Variants in AAGAB observed in about 807,000 individuals in gnomAD.
AAGAB encodes the protein alpha and gamma adaptin binding protein.
Under a neutral mutation model 44.1 loss-of-function variants are expected in AAGAB, and 38 were observed. The ratio of observed to expected loss-of-function variants is 0.86; its 90% CI spans 0.67 to 1.13. The LOEUF (loss-of-function observed/expected upper bound fraction) is 1.13, where lower values mean the gene tolerates loss of function less well. Ranked by LOEUF, AAGAB falls within the 50% of genes most tolerant of loss-of-function variation. The pLI, the probability that AAGAB is intolerant of heterozygous loss-of-function variation, is 0.00. For synonymous variants in AAGAB, 131 were observed against 131.8 expected (o/e 0.99, Z 0.04); for missense variants, 450 against 373.8 (o/e 1.20, Z -1.68).
chr15:67,241,460 T>C (rs924769188), intron 1 of AAGAB, among the ~76,000 whole-genome samples: 1 of 152,218 alleles, frequency 6.6e-6, no homozygotes, highest in African/African-American at 2.4e-5. Flanking sequence ...ACCCCAGATA[T>C]GAGTGTCTTT....
At chr15:67,218,661 TG>T (rs1468869567) in intron 5 of AAGAB, among the ~76,000 whole-genome samples, 1 of 152,006 alleles carries the variant, frequency 6.6e-6, no homozygotes, top group East Asian at 1.9e-4. Context: ...AAAGAGGAGG[TG>T]TGGCAGGAGC....
intron 5 of AAGAB, 31 bp downstream of exon 5, chr15:67,231,782 GA>G: frequency 9.2e-6 from 14 of 1,525,902 alleles, no homozygotes; most frequent in African/African-American, 1.4e-5. Context: ...GGAACAAGAG[GA>G]AAAAAATGAC....
rs1308419691 is a variant in AAGAB at position 67,209,532 on chromosome 15, C to A, written c.548G>T (p.Gly183Val). The change falls in exon 6 of 10, where the codon GGC becomes GTC. Residue 183 changes from glycine to valine, a missense_variant. By Grantham distance (109) the Gly-to-Val change is moderately radical. Coordinates refer to ENST00000261880, the MANE Select transcript of AAGAB (RefSeq NM_024666.5). ...AGTCAATGAGTTGAGAAGGCTAAAGCCTTGGTTCCTATCTGAAAAGGAAAA... is the reference window on the plus strand; with the variant it reads ...AGTCAATGAGTTGAGAAGGCTAAAGACTTGGTTCCTATCTGAAAAGGAAAA... ...NVVMKNDRNQ[G>V]FSLLNSLTGT... The A allele has an allele frequency of 2.5e-6, 4 of 1,613,768 alleles. No individual in the cohort carries two copies. Among genetic ancestry groups the A allele is most frequent in the Non-Finnish European group, 3.4e-6 (4 of 1,179,832 alleles).
intron 5 of AAGAB, chr15:67,220,901 T>C (rs893922108): frequency 6.6e-6 from 1 of 152,208 alleles, no homozygotes; most frequent in East Asian, 1.9e-4. Flanking sequence ...AAGTACTCCA[T>C]AGATTACTGC....
chr15:67,208,485 C>T lies in AAGAB; in HGVS notation c.715+77G>A, dbSNP rs1417331172. 9.2e-6 allele frequency: 12 copies of T among 1,303,538 alleles called. No homozygotes were observed. In the Admixed American group the frequency reaches 1.3e-4, roughly 14 times the overall value. 80.7% of individuals were successfully genotyped at this position (1,303,538 alleles called of 1,614,324 possible). On this transcript the variant is annotated intron_variant, in intron 7 of 9. Coordinates refer to ENST00000261880, the MANE Select transcript of AAGAB (RefSeq NM_024666.5). ...CTTCTCTGTGTTTAAAGTCAATTTCCCCCTCAACAATTTCTGCCCAGATAC... is the reference window on the plus strand; with the variant it reads ...CTTCTCTGTGTTTAAAGTCAATTTCTCCCTCAACAATTTCTGCCCAGATAC...
chr15:67,235,172 G>A (rs899160008), intron 4 of AAGAB, among the ~76,000 whole-genome samples: 3 of 152,118 alleles, frequency 2.0e-5, no homozygotes, highest in African/African-American at 7.2e-5. Context: ...TCTTCCCCAT[G>A]GAGCAGCTGA....
At chr15:67,232,579 C>T (rs1964366376) in intron 4 of AAGAB, 2 of 415,670 alleles carry the variant, frequency 4.8e-6, no homozygotes, top group South Asian at 2.0e-5. Context: ...GAAAAAGTAG[C>T]CAAAATGTAC....
chr15:67,217,570 G>C (rs533724350), intron 5 of AAGAB, among the ~76,000 whole-genome samples: 11 of 152,086 alleles, frequency 7.2e-5, no homozygotes, highest in Middle Eastern at 3.4e-3. Context: ...ATGGAGTCTC[G>C]CTCTATCACC....
upstream of AAGAB, chr15:67,254,797 G>C (rs1357336159): frequency 2.9e-6 from 4 of 1,387,648 alleles, no homozygotes; most frequent in African/African-American, 1.4e-5. Context: ...GAACAGGCCA[G>C]GTCGCGCGCG....
At chr15:67,224,637 G>A (rs181476312) in intron 5 of AAGAB, among the ~76,000 whole-genome samples, 13 of 147,364 alleles carry the variant, frequency 8.8e-5, no homozygotes, top group African/African-American at 2.8e-4. Context: ...CTGGAGTGCA[G>A]TGGCGCGATC....
rs1964455557 is a variant in AAGAB, at chr15:67,236,063, T to C, written c.367A>G (p.Asn123Asp). ...CACCATTCTTGAGCTTTTTGTCGGT[T>C]TATACCTAAAATAATATGCAAAAGA... ...VCDRVSEDGI[N>D]RQKAQEWCIK... is the part of the protein sequence containing the mutation. The change falls in exon 4 of 10, where the codon AAC (asparagine) becomes GAC (aspartate). Residue 123 changes from asparagine to aspartate, a missense_variant. Transcript: ENST00000261880. The C allele has an allele frequency of 6.2e-7, 1 of 1,607,312 alleles. No individual in the cohort carries two copies. The highest frequency in any genetic ancestry group is 1.3e-5 in the African/African-American group (1 of 74,784).
chr15:67,208,725 G>A, intron 6 of AAGAB, 67 bp from the exon 7 acceptor site: 1 of 1,428,700 alleles, frequency 7.0e-7, no homozygotes, highest in Non-Finnish European at 9.8e-7. Flanking sequence ...ATCCAAAAAA[G>A]CTCACACTTT....
At position 67,213,768 on chromosome 15, in the gene AAGAB, G is replaced by A. The variant is rs181695672; in HGVS notation, c.536-4224C>T. On this transcript the variant is annotated intron_variant, in intron 5 of 9. Coordinates refer to ENST00000261880, the MANE Select transcript of AAGAB (RefSeq NM_024666.5). ...TTTACCTTGCAAAATTTTCCTAAGGGTTAGTAATAGATAACATTTACTAAG... is the reference window on the plus strand; with the variant it reads ...TTTACCTTGCAAAATTTTCCTAAGGATTAGTAATAGATAACATTTACTAAG... Among the ~76,000 whole-genome samples the A allele has an allele frequency of 1.2e-3, 188 of 152,224 alleles. 1 individual carries two copies. The highest frequency in any genetic ancestry group is 4.4e-3 in the African/African-American group (184 of 41,530).
At chr15:67,239,826 A>C (rs1181436175) in intron 1 of AAGAB, among the ~76,000 whole-genome samples, 1 of 152,226 alleles carries the variant, frequency 6.6e-6, no homozygotes, top group African/African-American at 2.4e-5. Context: ...TCAAATGCTT[A>C]ACAAGTTTAT....
rs1245949533 is a variant in AAGAB, at chr15:67,208,647, C to T, written c.630G>A (p.Leu210=). 6.2e-7 allele frequency: 1 copy of T among 1,613,890 alleles called. No homozygotes were observed. The highest frequency in any genetic ancestry group is 8.5e-7 in the Non-Finnish European group (1 of 1,179,968). ...ADPCHPEQPH[L]PAADSTESLS... is the part of the protein sequence containing the mutation. ...GGGATTCAGTACTATCTGCTGCTGG[C>T]AAATGGGGTTGCTGTTGAGGAAAAT... The change falls in exon 7 of 10, where the codon TTG becomes TTA. Residue 210 remains leucine, a synonymous_variant. Transcript: ENST00000261880.
At chr15:67,238,861 A>G (rs1964530576) in intron 1 of AAGAB, among the ~76,000 whole-genome samples, 1 of 152,140 alleles carries the variant, frequency 6.6e-6, no homozygotes, top group Non-Finnish European at 1.5e-5. Context: ...ATGCCCAGCT[A>G]ATGTTCTGTA....
chr15:67,208,642 G>A lies in AAGAB; in HGVS notation c.635C>T (p.Ala212Val). 1 of 1,614,088 alleles carries A rather than the reference G, an allele frequency of 6.2e-7. No individual in the cohort carries two copies. ...AGAGAGGGATTCAGTACTATCTGCT[G>A]CTGGCAAATGGGGTTGCTGTTGAGG... The part of the protein sequence containing the change: ...PCHPEQPHLP[A>V]ADSTESLSDH... The change falls in exon 7 of 10, where the codon GCA becomes GTA. Residue 212 changes from alanine to valine, a missense_variant. Ala to Val is a moderately conservative substitution (Grantham distance 64). Transcript: ENST00000261880.
chr15:67,221,817 T>C (rs1964070630), intron 5 of AAGAB, among the ~76,000 whole-genome samples: 1 of 152,212 alleles, frequency 6.6e-6, no homozygotes, highest in Non-Finnish European at 1.5e-5. Context: ...GTTCAATATA[T>C]AGACAACCAT....
chr15:67,236,133 T>C (rs893907356), intron 3 of AAGAB, 65 bp from the exon 4 acceptor site: 3 of 1,246,988 alleles, frequency 2.4e-6, no homozygotes, highest in Non-Finnish European at 3.5e-6. Context: ...ATTCCTGCAA[T>C]ATTCTTCACA....
Sources: allele counts gnomAD v4.1 joint callset (sites outside exome capture counted in the v4.1 genomes callset), GRCh38; gene constraint gnomAD v4.1.1; transcripts MANE v1.5; gene names NCBI Gene and HGNC (gene_info 2026-07-23, HGNC 2026-07-21).